The following DHX36 variants were observed in gnomAD, a reference collection of about 807,000 sequenced individuals.
DHX36 encodes the protein DEAH-box helicase 36.
Under a neutral mutation model 139.0 loss-of-function variants are expected in DHX36, and 50 were observed. That is an observed-to-expected ratio of 0.36 (90% confidence interval 0.29 to 0.46). DHX36 has a LOEUF of 0.46. Among genes scored for constraint, DHX36 ranks in the 20% least tolerant of loss-of-function variants. The pLI, the probability that DHX36 is intolerant of heterozygous loss-of-function variation, is 1.00. For synonymous variants in DHX36, 425 were observed against 401.9 expected (o/e 1.06, Z -0.69); for missense variants, 1,024 against 1,211.3 (o/e 0.85, Z 2.29).
rs986996455 is a variant in DHX36, at chr3:154,272,769, CTT to C, written c.*3400_*3401del. The C allele has an allele frequency of 6.6e-6, 1 of 151,924 alleles. No homozygotes were observed. Among genetic ancestry groups the C allele is most frequent in the African/African-American group, 2.4e-5 (1 of 41,376 alleles). 9.4% of individuals were successfully genotyped at this position (151,924 alleles called of 1,614,324 possible). On this transcript the variant is annotated 3_prime_UTR_variant, in exon 25 of 25. Coordinates refer to ENST00000496811, the MANE Select transcript of DHX36 (RefSeq NM_020865.3). ...ATATAAGTATACATGATCACAATGA[CTT>C]ATAAATAAATACAAACTCAGAGCTA...
At chr3:154,306,386 G>T in intron 5 of DHX36, 91 bp from the exon 6 acceptor site, 1 of 1,066,452 alleles carries the variant, frequency 9.4e-7, no homozygotes. Flanking sequence ...TTGAAAAATT[G>T]TTCTTCAGAT....
At chr3:154,305,697 T>C (rs1712472215) in intron 6 of DHX36, among the ~76,000 whole-genome samples, 1 of 152,026 alleles carries the variant, frequency 6.6e-6, no homozygotes, top group South Asian at 2.1e-4. Context: ...AGCACAGGAG[T>C]CTTCGGCTGC....
intron 1 of DHX36, among the ~76,000 whole-genome samples, chr3:154,316,397 C>A (rs1712984163): frequency 6.6e-6 from 1 of 151,898 alleles, no homozygotes; most frequent in African/African-American, 2.4e-5. Context: ...TAAAATTAGC[C>A]CTAATATGAT....
intron 15 of DHX36, among the ~76,000 whole-genome samples, chr3:154,290,809 C>A (rs1030753266): frequency 6.6e-6 from 1 of 151,992 alleles, no homozygotes; most frequent in African/African-American, 2.4e-5. Context: ...TAATATACCT[C>A]AATATCTCTC....
In DHX36 at chr3:154,293,776, C is replaced by T; in HGVS notation, c.1642G>A (p.Val548Ile). The T allele has an allele frequency of 1.9e-6, 3 of 1,613,148 alleles. No homozygotes were observed. The highest frequency in any genetic ancestry group is 1.3e-5 in the African/African-American group (1 of 74,986). The change falls in exon 14 of 25, where the codon GTA (valine) becomes ATA (isoleucine). Residue 548 changes from valine (V) to isoleucine (I), a missense_variant. This residue lies in a region of DHX36 where 470 missense variants were observed against 616.2 expected (regional missense o/e 0.76). Transcript: ENST00000496811. ...KRTPPGVRKIVIATNIAETSI... is the reference protein window; with the variant it reads ...KRTPPGVRKIIIATNIAETSI... ...GTCTCCGCAATGTTGGTAGCAATTACTATTTTCCGAACACCAGGAGGGGTT... is the reference window on the plus strand; with the variant it reads ...GTCTCCGCAATGTTGGTAGCAATTATTATTTTCCGAACACCAGGAGGGGTT...
Position 154,284,655 on chromosome 3 carries a change from A to G in DHX36, c.2220T>C (p.Ile740=), listed in dbSNP as rs1329575876. Reference sequence around the variant, plus strand: ...CCAATTCCTTTCTTCTTGCATCTGCAATCTTTTCTTTTCCCTTAAAAATAG... The same window carrying G: ...CCAATTCCTTTCTTCTTGCATCTGCGATCTTTTCTTTTCCCTTAAAAATAG... The part of the protein sequence containing the change: ...PFVIPLGKEK[I]ADARRKELAK... Residue 740 remains isoleucine, a synonymous_variant, in exon 19 of 25, where the codon ATT becomes ATC. Coordinates refer to ENST00000496811, the MANE Select transcript of DHX36 (RefSeq NM_020865.3). 6.2e-7 allele frequency: 1 copy of G among 1,611,854 alleles called. No individual in the cohort carries two copies. The highest frequency in any genetic ancestry group is 1.1e-5 in the South Asian group (1 of 90,720).
chr3:154,317,733 T>G (rs937274659), intron 1 of DHX36, among the ~76,000 whole-genome samples: 10 of 152,016 alleles, frequency 6.6e-5, no homozygotes, highest in African/African-American at 1.7e-4. Context: ...TTTTGATTTT[T>G]GGGGAAAAAA....
intron 12 of DHX36, among the ~76,000 whole-genome samples, chr3:154,297,063 T>C (rs937404889): frequency 2.6e-5 from 4 of 152,152 alleles, no homozygotes; most frequent in African/African-American, 7.2e-5. Context: ...TTGGACTTAT[T>C]AGAGAACAAA....
intron 19 of DHX36, 57 bp from the exon 20 acceptor site, chr3:154,283,328 T>C: frequency 8.4e-7 from 1 of 1,190,486 alleles, no homozygotes; most frequent in Non-Finnish European, 1.2e-6. Context: ...AGATTACTAC[T>C]GGTTTCCCTC....
chr3:154,292,678 C>T lies in DHX36; in HGVS notation c.1687G>A (p.Val563Ile), dbSNP rs1204653300. Residue 563 changes from valine to isoleucine, a missense_variant, in exon 15 of 25, where the codon GTC becomes ATC. By Grantham distance (29) the Val-to-Ile change is conservative. Transcript: ENST00000496811. ...TTTCCTCCATCTATCACATAAACGA[C>T]ATCATCTATGGTAATGCTGTTTGGA... ...IAETSITIDD[V>I]VYVIDGGKIK... 1 of 1,613,380 alleles carries T rather than the reference C, an allele frequency of 6.2e-7. No homozygotes were observed. The highest frequency in any genetic ancestry group is 8.5e-7 in the Non-Finnish European group (1 of 1,179,818).
rs1339949130 is a variant in DHX36, at chr3:154,284,673, A to G, written c.2206-4T>C. 6.2e-7 allele frequency: 1 copy of G among 1,609,358 alleles called. No individual in the cohort carries two copies. Among genetic ancestry groups the G allele is most frequent in the East Asian group, 2.2e-5 (1 of 44,840 alleles). Reference sequence around the variant, plus strand: ...CATCTGCAATCTTTTCTTTTCCCTTAAAAATAGCAGACATAGCCAATTTAA... The same window carrying G: ...CATCTGCAATCTTTTCTTTTCCCTTGAAAATAGCAGACATAGCCAATTTAA... On this transcript the variant is annotated splice_region_variant and splice_polypyrimidine_tract_variant and intron_variant, in intron 18 of 24. Coordinates refer to ENST00000496811, the MANE Select transcript of DHX36 (RefSeq NM_020865.3).
chr3:154,276,553 C>T (rs578223859), intron 24 of DHX36, 194 bp downstream of exon 24: 2 of 759,610 alleles, frequency 2.6e-6, no homozygotes, highest in Admixed American at 3.0e-5. Context: ...TGCAATCACA[C>T]TGAGCCATTT....
At chr3:154,296,333 G>A (rs2108347832) in intron 12 of DHX36, among the ~76,000 whole-genome samples, 1 of 152,224 alleles carries the variant, frequency 6.6e-6, no homozygotes, top group South Asian at 2.1e-4. Context: ...ACTTAGCTGG[G>A]CGTGTTGGCG....
chr3:154,316,840 C>A (rs56298776), intron 1 of DHX36, among the ~76,000 whole-genome samples: 1,719 of 151,354 alleles, frequency 0.011, 31 homozygotes, highest in African/African-American at 0.04. Context: ...AAACCCAATT[C>A]TTTGGAGACT....
In DHX36 at chr3:154,297,709, C is replaced by CA. The variant is rs554782478; in HGVS notation, c.1549+2128dup. On this transcript the variant is annotated intron_variant, in intron 12 of 24. Coordinates refer to ENST00000496811, the MANE Select transcript of DHX36 (RefSeq NM_020865.3). ...TGGGAAACAGAGCGAGACTCCACCTCAAAAAAAAAAAAAAAGTCTCTAGTT... is the reference window on the plus strand; with the variant it reads ...TGGGAAACAGAGCGAGACTCCACCTCAAAAAAAAAAAAAAAAGTCTCTAGTT... Among the ~76,000 whole-genome samples, 522 of 90,062 alleles carry CA rather than the reference C, an allele frequency of 5.8e-3. 1 individual carries two copies. Among genetic ancestry groups the CA allele is most frequent in the Middle Eastern group, 7.0e-3 (1 of 142 alleles). 59.1% of individuals were successfully genotyped at this position (90,062 alleles called of 152,430 possible). A position where few individuals can be genotyped will look rare whatever the true frequency, so the allele number is the denominator to read the frequency against.
intron 13 of DHX36, among the ~76,000 whole-genome samples, chr3:154,294,997 T>C (rs892421281): frequency 1.3e-5 from 2 of 152,228 alleles, no homozygotes; most frequent in African/African-American, 2.4e-5. Context: ...CAGACCTTTT[T>C]CTCTTACTCA....
At chr3:154,284,551 T>C in intron 19 of DHX36, 32 bp downstream of exon 19, 1 of 1,509,982 alleles carries the variant, frequency 6.6e-7, no homozygotes, top group Non-Finnish European at 9.0e-7. Context: ...GAATAAACTA[T>C]CATAATCCAG....
intron 6 of DHX36, 22 bp downstream of exon 6, chr3:154,306,194 A>T: frequency 1.3e-6 from 2 of 1,559,730 alleles, no homozygotes; most frequent in Non-Finnish European, 1.8e-6. Context: ...CTGCCTGTAT[A>T]TAAGAAGTGA....
At chr3:154,298,376 G>A (rs1712127451) in intron 12 of DHX36, among the ~76,000 whole-genome samples, 1 of 152,026 alleles carries the variant, frequency 6.6e-6, no homozygotes, top group African/African-American at 2.4e-5. Context: ...AAAAATTCTA[G>A]TTGTTTGAAA....
Sources: allele counts gnomAD v4.1 joint callset (sites outside exome capture counted in the v4.1 genomes callset), GRCh38; gene constraint gnomAD v4.1.1; regional missense constraint gnomAD v4.1.1; transcripts MANE v1.5; gene names NCBI Gene and HGNC (gene_info 2026-07-23, HGNC 2026-07-21).